DMD: variants seen among roughly 807,000 people sequenced by gnomAD.
The protein encoded by DMD is mutant dystrophin.
DMD carries 63 observed loss-of-function variants against 330.1 expected under a neutral mutation model. The observed-to-expected ratio is 0.19, with a 90% CI of 0.16 to 0.24. DMD has a LOEUF of 0.24. DMD is among the 10% of genes least tolerant of loss of function. The probability of loss-of-function intolerance (pLI) is 1.00; values close to 1 mark genes in which losing one functional copy is unlikely to be tolerated. For synonymous variants in DMD, 1,223 were observed against 959.8 expected (o/e 1.27, Z -5.07); for missense variants, 3,344 against 2,684.1 (o/e 1.25, Z -5.43).
chrX:33,209,394 C>T (rs2051766506), intron 1 of DMD, among the ~76,000 whole-genome samples: 1 of 111,156 alleles, frequency 9.0e-6, no homozygotes. Context: ...TAAATATATT[C>T]AAATGAAATG....
intron 4 of DMD, among the ~76,000 whole-genome samples, chrX:32,830,859 A>G (rs1233900381): frequency 9.0e-6 from 1 of 111,170 alleles, no homozygotes; most frequent in Non-Finnish European, 1.9e-5. Flanking sequence ...ACTCCAGTAG[A>G]ATATTAAAAT....
intron 1 of DMD, among the ~76,000 whole-genome samples, chrX:33,336,767 T>C (rs905119009): frequency 9.0e-6 from 1 of 111,666 alleles, no homozygotes; most frequent in South Asian, 3.7e-4. Flanking sequence ...TTCATCGTTT[T>C]TTCTTCCTTA....
chrX:33,320,456 G>A (rs1026608783), intron 1 of DMD, among the ~76,000 whole-genome samples: 5 of 112,047 alleles, frequency 4.5e-5, no homozygotes, highest in Admixed American at 2.8e-4. Context: ...ACATTATTTT[G>A]TAGCCTAAGT....
intron 33 of DMD, among the ~76,000 whole-genome samples, chrX:32,384,885 A>G (rs1216546711): frequency 9.0e-6 from 1 of 111,404 alleles, no homozygotes; most frequent in African/African-American, 3.2e-5. Flanking sequence ...AAATGTTAGA[A>G]GTCCATTTTT....
intron 1 of DMD, among the ~76,000 whole-genome samples, chrX:33,069,248 C>T (rs2094709078): frequency 9.0e-6 from 1 of 110,520 alleles, no homozygotes; most frequent in Admixed American, 9.8e-5. Flanking sequence ...GTTCATCTGC[C>T]AATATTTTGC....
chrX:32,608,325 A>G (rs1443079609), intron 12 of DMD, among the ~76,000 whole-genome samples: 2 of 110,674 alleles, frequency 1.8e-5, no homozygotes, highest in African/African-American at 3.3e-5. Flanking sequence ...TTGTAACTGA[A>G]TATCATGCAC....
chrX:32,781,793 T>C (rs183181755), intron 7 of DMD, among the ~76,000 whole-genome samples: 93 of 111,488 alleles, frequency 8.3e-4, no homozygotes, highest in Non-Finnish European at 1.5e-3. Context: ...GAGAGAAAAC[T>C]AGCCTAAACA....
At chrX:33,123,866 T>TA (rs1315883744) in intron 1 of DMD, among the ~76,000 whole-genome samples, 1 of 109,811 alleles carries the variant, frequency 9.1e-6, no homozygotes, top group Non-Finnish European at 1.9e-5. Context: ...CAAACAGCAG[T>TA]AAAAATTGAA....
At chrX:31,806,733 A>G (rs17338765) in intron 50 of DMD, among the ~76,000 whole-genome samples, 13,618 of 112,215 alleles carry the variant, frequency 0.12, 626 homozygotes, top group South Asian at 0.19. Context: ...GGGTTTTACT[A>G]TAATGCTTCA....
intron 2 of DMD, among the ~76,000 whole-genome samples, chrX:32,936,087 G>A (rs1364894175): frequency 9.4e-6 from 1 of 106,610 alleles, no homozygotes; most frequent in Admixed American, 1.0e-4. Flanking sequence ...GAAACCACAG[G>A]TGATTTCATA....
intron 11 of DMD, among the ~76,000 whole-genome samples, chrX:32,616,709 T>C (rs2057599622): frequency 1.1e-5 from 1 of 87,751 alleles, no homozygotes; most frequent in Non-Finnish European, 2.0e-5. Flanking sequence ...TTTTTTTTTT[T>C]TTTTTTCTTT....
chrX:31,709,584 CTGTGTGTGTGTGTG>C lies in DMD; in HGVS notation c.7660+20033_7660+20046del, dbSNP rs55768943. Among the ~76,000 whole-genome samples, 11 of 94,050 alleles carry C rather than the reference CTGTGTGTGTGTGTG, an allele frequency of 1.2e-4. 1 individual carries two copies. Among genetic ancestry groups the C allele is most frequent in the South Asian group, 5.2e-4 (1 of 1,924 alleles). The allele number at this position is 94,050 out of a possible 115,157, so 81.7% of individuals were successfully genotyped here. A position where few individuals can be genotyped will look rare whatever the true frequency, so the allele number is the denominator to read the frequency against. ...TCTCTCTCTCTCTCTCTCTCTCTGTCTGTGTGTGTGTGTGTGTGTGTGTGTGTGTGTGGTGTGTC... is the reference window on the plus strand; with the variant it reads ...TCTCTCTCTCTCTCTCTCTCTCTGTCTGTGTGTGTGTGTGTGTGGTGTGTC... On this transcript the variant is annotated intron_variant, in intron 52 of 78. Coordinates refer to ENST00000357033, the MANE Select transcript of DMD (RefSeq NM_004006.3).
At chrX:32,396,574 CCAAGAATCA>C (rs2147730464) in intron 30 of DMD, among the ~76,000 whole-genome samples, 1 of 110,607 alleles carries the variant, frequency 9.0e-6, no homozygotes, top group African/African-American at 3.3e-5. Context: ...TTGTGTATAT[CCAAGAATCA>C]TACAACACTT....
chrX:31,940,910 T>TTC (rs1340284561), intron 45 of DMD, among the ~76,000 whole-genome samples: 1 of 111,520 alleles, frequency 9.0e-6, no homozygotes, highest in Non-Finnish European at 1.9e-5. Context: ...CCCAAAAGCC[T>TTC]TCTATTCAGA....
intron 43 of DMD, among the ~76,000 whole-genome samples, chrX:32,247,429 A>T (rs1354114755): frequency 8.9e-6 from 1 of 111,989 alleles, no homozygotes; most frequent in African/African-American, 3.2e-5. Flanking sequence ...GCCAGATATG[A>T]TGGTAGTTGC....
intron 67 of DMD, among the ~76,000 whole-genome samples, chrX:31,191,833 C>T (rs1474930340): frequency 1.7e-4 from 19 of 112,398 alleles, no homozygotes; most frequent in African/African-American, 6.1e-4. Flanking sequence ...TCCAAAAAAT[C>T]ATTTCAATGT....
intron 11 of DMD, among the ~76,000 whole-genome samples, chrX:32,638,263 T>G (rs749747474): frequency 2.7e-5 from 3 of 111,830 alleles, no homozygotes; most frequent in East Asian, 5.6e-4. Flanking sequence ...TATCAACATA[T>G]GAGGACTGAA....
At chrX:31,742,628 T>C (rs1290011014) in intron 51 of DMD, among the ~76,000 whole-genome samples, 1 of 111,805 alleles carries the variant, frequency 8.9e-6, no homozygotes, top group East Asian at 2.8e-4. Flanking sequence ...GATGCTGGGA[T>C]GGCTGGTTAG....
intron 43 of DMD, among the ~76,000 whole-genome samples, chrX:32,258,370 T>C (rs1473358974): frequency 9.0e-6 from 1 of 111,679 alleles, no homozygotes. Context: ...CACACGTATG[T>C]TTATTGCAGC....
Sources: allele counts gnomAD v4.1 joint callset (sites outside exome capture counted in the v4.1 genomes callset), GRCh38; gene constraint gnomAD v4.1.1; transcripts MANE v1.5; gene names NCBI Gene and HGNC (gene_info 2026-07-23, HGNC 2026-07-21).